LVRN: variants seen among roughly 807,000 people sequenced by gnomAD.
LVRN encodes laeverin.
A neutral mutation model predicts 111.4 loss-of-function variants in LVRN; 99 were observed. The observed-to-expected ratio is 0.89, with a 90% CI of 0.76 to 1.05. LVRN has a LOEUF of 1.05. Among genes scored for constraint, LVRN ranks in the 50% least tolerant of loss-of-function variants. The pLI, the probability that LVRN is intolerant of heterozygous loss-of-function variation, is 0.00. For synonymous variants in LVRN, 488 were observed against 449.5 expected, an observed-to-expected ratio of 1.09 and a Z score of -1.08; for missense variants, 1,414 against 1,206.8, an observed-to-expected ratio of 1.17 and a Z score of -2.54.
intron 12 of LVRN, among the ~76,000 whole-genome samples, chr5:116,004,885 C>T (rs548783283): frequency 1.3e-5 from 2 of 152,256 alleles, no homozygotes; most frequent in South Asian, 4.1e-4. Flanking sequence ...GTAATTAAAA[C>T]AAATTAATGG....
At chr5:116,021,979 T>C (rs1508876) in intron 18 of LVRN, among the ~76,000 whole-genome samples, 1 of 152,132 alleles carries the variant, frequency 6.6e-6, no homozygotes, top group Non-Finnish European at 1.5e-5. Flanking sequence ...ACAACATTTT[T>C]AAATACACGT....
intron 12 of LVRN, among the ~76,000 whole-genome samples, chr5:116,003,651 G>T (rs1353231288): frequency 6.7e-6 from 1 of 150,156 alleles, no homozygotes; most frequent in South Asian, 2.1e-4. Flanking sequence ...ACGCGATCTC[G>T]GCTCACTGCA....
At chr5:115,978,419 A>T (rs1753491782) in intron 1 of LVRN, among the ~76,000 whole-genome samples, 1 of 152,186 alleles carries the variant, frequency 6.6e-6, no homozygotes, top group Admixed American at 6.5e-5. Flanking sequence ...GTAAAAACAC[A>T]ACTTCGTTTT....
At chr5:115,993,977 A>T in intron 6 of LVRN, 123 bp downstream of exon 6, 1 of 523,766 alleles carries the variant, frequency 1.9e-6, no homozygotes, top group Non-Finnish European at 3.1e-6. Flanking sequence ...CTATAATACC[A>T]AAAATAATTT....
At chr5:115,965,275 G>A (rs1274521392) in intron 1 of LVRN, among the ~76,000 whole-genome samples, 3 of 152,196 alleles carry the variant, frequency 2.0e-5, no homozygotes. Flanking sequence ...TCCCAGAGGA[G>A]AAGAAGGCAG....
Position 115,992,292 on chromosome 5 carries a change from G to T in LVRN, c.1260+15G>T. ...TTGGACACCAGGCATGTGGTAAAATGTTCTTTTTATTTCACTTGAAGTTAT... is the reference window on the plus strand; with the variant it reads ...TTGGACACCAGGCATGTGGTAAAATTTTCTTTTTATTTCACTTGAAGTTAT... On this transcript the variant is annotated intron_variant, in intron 5 of 19. Transcript: ENST00000357872. 1 of 1,612,926 alleles carries T rather than the reference G, an allele frequency of 6.2e-7. No homozygotes were observed. The highest frequency in any genetic ancestry group is 8.5e-7 in the Non-Finnish European group (1 of 1,179,612).
At position 115,962,924 on chromosome 5, in the gene LVRN, G is replaced by T. The variant is rs543293882; in HGVS notation, c.307G>T (p.Val103Leu). The change falls in exon 1 of 20, where the codon GTG becomes TTG. Residue 103 changes from valine to leucine, a missense_variant. By Grantham distance (32) the Val-to-Leu change is conservative. Transcript: ENST00000357872. Reference sequence around the variant, plus strand: ...CCAGCTACGCCTGCCGCCCTGGCTCGTGCCGCTGCACTACGATCTGGAGCT... The same window carrying T: ...CCAGCTACGCCTGCCGCCCTGGCTCTTGCCGCTGCACTACGATCTGGAGCT... ...WDQLRLPPWL[V>L]PLHYDLELWP... is the part of the protein sequence containing the mutation. The T allele has an allele frequency of 7.4e-6, 12 of 1,612,892 alleles. No homozygotes were observed. The highest frequency in any genetic ancestry group is 3.3e-5 in the Admixed American group (2 of 59,996).
rs190932120 is a variant in LVRN, at chr5:116,020,412, A to G, written c.2757-1979A>G. Among the ~76,000 whole-genome samples, 547 of 152,346 alleles carry G rather than the reference A, an allele frequency of 3.6e-3. 3 individuals carry two copies. Among genetic ancestry groups the G allele is most frequent in the African/African-American group, 0.013 (527 of 41,582 alleles). ...ATCTCTGTTAAATGGGCTTCACAGC[A>G]TACAGAAAAACCACTTTTATTTGAA... On this transcript the variant is annotated intron_variant, in intron 18 of 19. Transcript: ENST00000357872.
rs1380868521 is a variant in LVRN at position 115,971,534 on chromosome 5, G to A, written c.695+8222G>A. 4.6e-5 allele frequency among the ~76,000 whole-genome samples: 7 copies of A among 152,086 alleles called. No individual in the cohort carries two copies. The South Asian group carries it at 1.5e-3, about 32-fold the overall frequency. On this transcript the variant is annotated intron_variant, in intron 1 of 19. Transcript: ENST00000357872. Reference sequence around the variant, plus strand: ...GGATTAAAGAGTTTTTTTGCCTATGGACATTCAACTGTACCACTGCCATTT... The same window carrying A: ...GGATTAAAGAGTTTTTTTGCCTATGAACATTCAACTGTACCACTGCCATTT...
chr5:115,987,731 G>A, intron 3 of LVRN, 82 bp from the exon 4 acceptor site: 1 of 1,472,544 alleles, frequency 6.8e-7, no homozygotes, highest in South Asian at 1.3e-5. Context: ...TGGTTCAGCA[G>A]CAGGGAATTG....
chr5:115,969,672 C>A (rs1361612815), intron 1 of LVRN, among the ~76,000 whole-genome samples: 2 of 151,872 alleles, frequency 1.3e-5, no homozygotes, highest in African/African-American at 4.8e-5. Flanking sequence ...TGGTGGCATG[C>A]ACCTGTAGTC....
In LVRN at chr5:116,026,258, T is replaced by G. The variant is rs1321292760; in HGVS notation, c.*140T>G. 1.4e-5 allele frequency: 18 copies of G among 1,287,414 alleles called. No homozygotes were observed. Among genetic ancestry groups the G allele is most frequent in the Non-Finnish European group, 1.8e-5 (17 of 937,504 alleles). 79.7% of individuals were successfully genotyped at this position (1,287,414 alleles called of 1,614,324 possible). Reference sequence around the variant, plus strand: ...ACATTTATTACTCAGAGTGCCATTCTTCTCATATTGTCATGTTTGGCCCTG... The same window carrying G: ...ACATTTATTACTCAGAGTGCCATTCGTCTCATATTGTCATGTTTGGCCCTG... On this transcript the variant is annotated 3_prime_UTR_variant, in exon 20 of 20. Coordinates refer to ENST00000357872, the MANE Select transcript of LVRN (RefSeq NM_173800.5).
At chr5:116,016,820 G>A (rs1580400547) in intron 18 of LVRN, among the ~76,000 whole-genome samples, 3 of 151,986 alleles carry the variant, frequency 2.0e-5, no homozygotes, top group Non-Finnish European at 4.4e-5. Flanking sequence ...AGACTGATGG[G>A]AGAAACAAAA....
intron 19 of LVRN, among the ~76,000 whole-genome samples, chr5:116,022,913 C>G (rs1344512727): frequency 6.6e-6 from 1 of 152,238 alleles, no homozygotes; most frequent in Non-Finnish European, 1.5e-5. Context: ...TGTCAGAGAG[C>G]AAGAGAGACG....
chr5:115,999,901 A>G lies in LVRN; in HGVS notation c.1514A>G (p.Lys505Arg), dbSNP rs980326467. The G allele has an allele frequency of 3.7e-6, 6 of 1,600,716 alleles. No individual in the cohort carries two copies. Among genetic ancestry groups the G allele is most frequent in the African/African-American group, 2.7e-5 (2 of 73,788 alleles). The change falls in exon 7 of 20, where the codon AAG (lysine) becomes AGG (arginine). Residue 505 changes from lysine to arginine, a missense_variant and splice_region_variant. Physicochemically the swap from Lys to Arg is conservative, Grantham distance 26. Transcript: ENST00000357872. ...CTCTTTGACATATTTACTTACAGCA[A>G]GGTAAAAGCAGTTAGAAATTTCCTT... ...QELFDIFTYS[K>R]GASMARMLSC... is the part of the protein sequence containing the mutation.
intron 1 of LVRN, among the ~76,000 whole-genome samples, chr5:115,980,283 T>C (rs1367508561): frequency 6.6e-6 from 1 of 151,954 alleles, no homozygotes; most frequent in Admixed American, 6.6e-5. Context: ...GAAACACCAC[T>C]GTGAGGTTCT....
intron 1 of LVRN, among the ~76,000 whole-genome samples, chr5:115,965,184 T>A (rs1375450983): frequency 6.6e-6 from 1 of 152,214 alleles, no homozygotes; most frequent in Non-Finnish European, 1.5e-5. Context: ...ATCCTTAGGT[T>A]GGATTATCAT....
intron 1 of LVRN, among the ~76,000 whole-genome samples, chr5:115,978,108 T>A (rs1239267893): frequency 6.6e-6 from 1 of 152,158 alleles, no homozygotes; most frequent in East Asian, 1.9e-4. Flanking sequence ...CAGTTGCTGT[T>A]TATGCTAGGA....
chr5:115,967,789 T>C (rs1287384651), intron 1 of LVRN, among the ~76,000 whole-genome samples: 2 of 152,230 alleles, frequency 1.3e-5, no homozygotes, highest in Non-Finnish European at 2.9e-5. Context: ...ATTTTTAGCA[T>C]ACAAATCCTA....
Sources: allele counts gnomAD v4.1 joint callset (sites outside exome capture counted in the v4.1 genomes callset), GRCh38; gene constraint gnomAD v4.1.1; transcripts MANE v1.5; gene names NCBI Gene and HGNC (gene_info 2026-07-23, HGNC 2026-07-21).